Variants in CAMK2D observed in about 807,000 individuals in gnomAD.
CAMK2D encodes the protein calcium/calmodulin dependent protein kinase II delta, also known as calcium/calmodulin-dependent protein kinase type II subunit delta.
CAMK2D carries 37 observed loss-of-function variants against 84.0 expected under a neutral mutation model. The observed-to-expected ratio is 0.44, with a 90% CI of 0.34 to 0.58. CAMK2D has a LOEUF of 0.58. CAMK2D is among the 20% of genes least tolerant of loss of function. The pLI is 0.02. For missense variants in CAMK2D, 448 were observed against 652.5 expected, an observed-to-expected ratio of 0.69 and a Z score of 3.41; for synonymous variants, 202 against 212.5, an observed-to-expected ratio of 0.95 and a Z score of 0.43.
chr4:113,681,115 T>A (rs1212572950), intron 2 of CAMK2D, among the ~76,000 whole-genome samples: 3 of 152,222 alleles, frequency 2.0e-5, no homozygotes, highest in Non-Finnish European at 4.4e-5. Context: ...TAGTCATATT[T>A]AAGCTATATT....
chr4:113,661,741 G>T lies in CAMK2D; in HGVS notation c.192C>A (p.Ile64=). 6.7e-7 allele frequency: 1 copy of T among 1,500,324 alleles called. No homozygotes were observed. Among genetic ancestry groups the T allele is most frequent in the South Asian group, 1.3e-5 (1 of 78,666 alleles). The allele number at this position is 1,500,324 out of a possible 1,614,324, so 92.9% of individuals were successfully genotyped here. ...DHQKLEREAR[I]CRLLKHPNIV... ...TATTAGGGTGCTTCAAAAGACGGCA[G>T]ATTCTAGCTTCTCTTTCTAGTTTCT... Residue 64 remains isoleucine, a synonymous_variant, in exon 3 of 21, where the codon ATC becomes ATA. Transcript: ENST00000511664.
chr4:113,732,182 G>C (rs2099570608), intron 2 of CAMK2D, among the ~76,000 whole-genome samples: 1 of 151,880 alleles, frequency 6.6e-6, no homozygotes, highest in Non-Finnish European at 1.5e-5. Flanking sequence ...GGAATTCAGT[G>C]GTGCGATCAT....
chr4:113,739,124 G>A (rs1050477909), intron 2 of CAMK2D, among the ~76,000 whole-genome samples: 7 of 152,062 alleles, frequency 4.6e-5, no homozygotes, highest in African/African-American at 1.7e-4. Flanking sequence ...ATACAATGCT[G>A]CAAAAGAACT....
At chr4:113,497,124 T>G (rs1166276682) in intron 16 of CAMK2D, among the ~76,000 whole-genome samples, 4 of 152,162 alleles carry the variant, frequency 2.6e-5, no homozygotes, top group African/African-American at 7.2e-5. Flanking sequence ...AGTTTTTTTT[T>G]TTTTAGGTAA....
At chr4:113,685,239 CTTTT>C (rs568703311) in intron 2 of CAMK2D, among the ~76,000 whole-genome samples, 7 of 137,608 alleles carry the variant, frequency 5.1e-5, no homozygotes, top group Admixed American at 7.3e-5. Context: ...TTTCAGACTT[CTTTT>C]TTTTTTTTTT....
intron 9 of CAMK2D, among the ~76,000 whole-genome samples, chr4:113,516,620 A>C (rs1032216258): frequency 1.4e-4 from 14 of 98,968 alleles, no homozygotes; most frequent in African/African-American, 8.8e-4. Flanking sequence ...ACACACATCC[A>C]TCTAAATAGA....
At chr4:113,670,110 C>T (rs996478213) in intron 2 of CAMK2D, among the ~76,000 whole-genome samples, 1 of 152,074 alleles carries the variant, frequency 6.6e-6, no homozygotes, top group Admixed American at 6.6e-5. Flanking sequence ...GATACACCGT[C>T]TGTACTACAA....
chr4:113,470,483 C>A (rs1420373970), intron 16 of CAMK2D, among the ~76,000 whole-genome samples: 1 of 152,010 alleles, frequency 6.6e-6, no homozygotes, highest in African/African-American at 2.4e-5. Context: ...GCTAAAAGTA[C>A]AAACCTTAGC....
At chr4:113,574,978 A>G (rs2098773577) in intron 4 of CAMK2D, among the ~76,000 whole-genome samples, 2 of 152,054 alleles carry the variant, frequency 1.3e-5, no homozygotes, top group South Asian at 2.1e-4. Flanking sequence ...TCAGTTGAAG[A>G]AAAAAAATGA....
At chr4:113,517,194 T>C (rs1258197239) in intron 9 of CAMK2D, among the ~76,000 whole-genome samples, 1 of 152,110 alleles carries the variant, frequency 6.6e-6, no homozygotes, top group Non-Finnish European at 1.5e-5. Context: ...ATATTGTTGG[T>C]ATATAATATA....
At chr4:113,593,209 T>C (rs75678811) in intron 4 of CAMK2D, among the ~76,000 whole-genome samples, 18,946 of 152,238 alleles carry the variant, frequency 0.12, 1,415 homozygotes, top group Non-Finnish European at 0.17. Context: ...CGGTATGGTG[T>C]GTAAGGAGCT....
intron 3 of CAMK2D, among the ~76,000 whole-genome samples, chr4:113,616,817 A>G (rs1296621905): frequency 1.3e-5 from 2 of 152,224 alleles, no homozygotes; most frequent in East Asian, 1.9e-4. Flanking sequence ...GGGTAAAGTA[A>G]ATAATAGATT....
In CAMK2D at chr4:113,515,200, A is replaced by G; in HGVS notation, c.697-9T>C. The G allele has an allele frequency of 6.3e-7, 1 of 1,577,066 alleles. No individual in the cohort carries two copies. The highest frequency in any genetic ancestry group is 8.6e-7 in the Non-Finnish European group (1 of 1,163,004). ...CATTCTGGTGATGGAAACTTCAAAA[A>G]TATAAATTTATAAAAAGTTTAAAAA... On this transcript the variant is annotated splice_polypyrimidine_tract_variant and intron_variant, in intron 9 of 20. Transcript: ENST00000511664.
chr4:113,534,923 A>T (rs1024692642), intron 7 of CAMK2D, among the ~76,000 whole-genome samples: 3 of 152,136 alleles, frequency 2.0e-5, no homozygotes, highest in African/African-American at 4.8e-5. Context: ...ATAAAGTAAA[A>T]TTTTTTCCAC....
At position 113,714,421 on chromosome 4, in the gene CAMK2D, T is replaced by G. The variant is rs113105529; in HGVS notation, c.160+44899A>C. Among the ~76,000 whole-genome samples, 222 of 152,202 alleles carry G rather than the reference T, an allele frequency of 1.5e-3. 1 individual carries two copies. Among genetic ancestry groups the G allele is most frequent in the African/African-American group, 5.1e-3 (213 of 41,556 alleles). On this transcript the variant is annotated intron_variant, in intron 2 of 20. Coordinates refer to ENST00000511664, the MANE Select transcript of CAMK2D (RefSeq NM_001321571.2). ...TATTTTTGGCCCTTATTATTCCACA[T>G]AAATCAACTTATCTACTGAACAAGT...
At chr4:113,748,071 G>A (rs913071206) in intron 2 of CAMK2D, among the ~76,000 whole-genome samples, 2 of 151,946 alleles carry the variant, frequency 1.3e-5, no homozygotes, top group Non-Finnish European at 2.9e-5. Context: ...TGGAAATCCA[G>A]TTCAAACATC....
intron 3 of CAMK2D, among the ~76,000 whole-genome samples, chr4:113,644,994 T>G (rs193075945): frequency 1.2e-4 from 19 of 152,152 alleles, no homozygotes; most frequent in Non-Finnish European, 2.4e-4. Flanking sequence ...CTGAGAATTT[T>G]TTGTTGTTGT....
At chr4:113,739,050 CCA>C (rs772148342) in intron 2 of CAMK2D, among the ~76,000 whole-genome samples, 2 of 152,080 alleles carry the variant, frequency 1.3e-5, no homozygotes, top group Non-Finnish European at 2.9e-5. Context: ...GCACTTAGAA[CCA>C]CAGTGTAAAT....
At chr4:113,472,302 TG>T (rs1454779452) in intron 16 of CAMK2D, among the ~76,000 whole-genome samples, 1 of 152,174 alleles carries the variant, frequency 6.6e-6, no homozygotes, top group Non-Finnish European at 1.5e-5. Context: ...ACTAGATAAA[TG>T]CAAGTATGTA....
Sources: allele counts gnomAD v4.1 joint callset (sites outside exome capture counted in the v4.1 genomes callset), GRCh38; gene constraint gnomAD v4.1.1; transcripts MANE v1.5; gene names NCBI Gene and HGNC (gene_info 2026-07-23, HGNC 2026-07-21).